METRNL: variants seen among roughly 807,000 people sequenced by gnomAD.
The protein encoded by METRNL is meteorin like, glial cell differentiation regulator, also known as meteorin-like protein.
Under a neutral mutation model 17.4 loss-of-function variants are expected in METRNL, and 9 were observed. The observed-to-expected ratio is 0.52, with a 90% CI of 0.31 to 0.90. The LOEUF (loss-of-function observed/expected upper bound fraction) is 0.90, where lower values mean the gene tolerates loss of function less well. METRNL is among the 40% of genes least tolerant of loss of function. The pLI is 0.05. For synonymous variants in METRNL, 215 were observed against 199.3 expected (o/e 1.08, Z -0.66); for missense variants, 408 against 430.7 (o/e 0.95, Z 0.47).
At chr17:83,090,751 T>C (rs2038123506) in intron 2 of METRNL, among the ~76,000 whole-genome samples, 1 of 151,698 alleles carries the variant, frequency 6.6e-6, no homozygotes, top group African/African-American at 2.4e-5. Context: ...CTGGGACCTC[T>C]GGCCCTGTGG....
chr17:83,089,142 G>A (rs534701353), intron 2 of METRNL, among the ~76,000 whole-genome samples: 39 of 152,228 alleles, frequency 2.6e-4, no homozygotes, highest in Middle Eastern at 3.4e-3. Flanking sequence ...CGGCCGCAGC[G>A]CGACGGTGAT....
At chr17:83,085,444 T>C in intron 2 of METRNL, 121 bp downstream of exon 2, 2 of 1,312,700 alleles carry the variant, frequency 1.5e-6, no homozygotes, top group Non-Finnish European at 2.1e-6. Flanking sequence ...AACCCTTCTG[T>C]GTCTGTGCTT....
intron 1 of METRNL, among the ~76,000 whole-genome samples, chr17:83,081,118 C>T (rs1441329107): frequency 6.6e-6 from 1 of 151,808 alleles, no homozygotes; most frequent in Non-Finnish European, 1.5e-5. Flanking sequence ...GTGGGCGGTG[C>T]CCGGCTGTCC....
intron 2 of METRNL, among the ~76,000 whole-genome samples, chr17:83,087,195 T>C (rs1201256087): frequency 6.6e-6 from 1 of 152,180 alleles, no homozygotes; most frequent in Non-Finnish European, 1.5e-5. Flanking sequence ...AGAACTTTGC[T>C]GTGTCCTGTG....
chr17:83,079,898 C>G lies in METRNL; in HGVS notation c.83C>G (p.Pro28Arg), dbSNP rs771874865. The G allele has an allele frequency of 3.0e-6, 3 of 990,498 alleles. No homozygotes were observed. The highest frequency in any genetic ancestry group is 3.6e-6 in the Non-Finnish European group (3 of 834,408). The allele number at this position is 990,498 out of a possible 1,614,324, so 61.4% of individuals were successfully genotyped here. Reference sequence around the variant, plus strand: ...CCCGCCCCGGGCCCGCCCCCGCCGCCGCTCCCGCTGCTGCTCCTGCTCCTG... The same window carrying G: ...CCCGCCCCGGGCCCGCCCCCGCCGCGGCTCCCGCTGCTGCTCCTGCTCCTG... The part of the protein sequence containing the change: ...RPPAPGPPPP[P>R]LPLLLLLLAG... Residue 28 changes from proline to arginine, a missense_variant, in exon 1 of 4, where the codon CCG becomes CGG. By Grantham distance (103) the Pro-to-Arg change is moderately radical (BLOSUM62 -2). Transcript: ENST00000320095.
At chr17:83,090,711 G>A (rs1350108463) in intron 2 of METRNL, among the ~76,000 whole-genome samples, 1 of 151,480 alleles carries the variant, frequency 6.6e-6, no homozygotes, top group Non-Finnish European at 1.5e-5. Flanking sequence ...CTCAGCCGAG[G>A]CCACCTCCAC....
At chr17:83,089,170 G>A (rs1380340938) in intron 2 of METRNL, among the ~76,000 whole-genome samples, 1 of 152,106 alleles carries the variant, frequency 6.6e-6, no homozygotes, top group African/African-American at 2.4e-5. Context: ...GCCTTGAGGG[G>A]AGCCTTGGGA....
At chr17:83,091,791 C>T (rs1320243619) in intron 2 of METRNL, among the ~76,000 whole-genome samples, 2 of 152,206 alleles carry the variant, frequency 1.3e-5, no homozygotes, top group African/African-American at 4.8e-5. Context: ...ATGGCACCGG[C>T]GAAACCAGTG....
chr17:83,088,305 G>A (rs1385218670), intron 2 of METRNL, among the ~76,000 whole-genome samples: 2 of 152,250 alleles, frequency 1.3e-5, no homozygotes, highest in African/African-American at 4.8e-5. Context: ...ACCTGGCTGA[G>A]GCCGTGTGGG....
chr17:83,090,897 C>G (rs763897265), intron 2 of METRNL, among the ~76,000 whole-genome samples: 1 of 152,218 alleles, frequency 6.6e-6, no homozygotes, highest in Admixed American at 6.5e-5. Context: ...CTGTCCAGCA[C>G]GTGCCTGCAT....
chr17:83,091,714 G>A (rs555645392), intron 2 of METRNL, among the ~76,000 whole-genome samples: 11 of 152,308 alleles, frequency 7.2e-5, no homozygotes, highest in East Asian at 3.9e-4. Flanking sequence ...TTCCAGGGCC[G>A]GCGAACCCCA....
At chr17:83,085,978 G>A (rs1301316903) in intron 2 of METRNL, among the ~76,000 whole-genome samples, 4 of 152,226 alleles carry the variant, frequency 2.6e-5, no homozygotes, top group Non-Finnish European at 5.9e-5. Context: ...ACGATAAACA[G>A]ACAGCTTCCC....
At chr17:83,086,253 C>T (rs138311542) in intron 2 of METRNL, among the ~76,000 whole-genome samples, 255 of 152,356 alleles carry the variant, frequency 1.7e-3, no homozygotes, top group Middle Eastern at 3.4e-3. Flanking sequence ...TTTCATCTCT[C>T]TCTGAAATCT....
intron 2 of METRNL, among the ~76,000 whole-genome samples, chr17:83,087,774 G>A (rs899312838): frequency 1.4e-5 from 2 of 147,840 alleles, no homozygotes; most frequent in African/African-American, 4.9e-5. Flanking sequence ...CGCCAGCCCC[G>A]CCGAGCCTGA....
rs2038187490 is a variant in METRNL, at chr17:83,095,012, G to C, written c.*437G>C. ...TGTTATTCTCATGACGGAAGTTTTG[G>C]AGCCAAATAATACGTTTTTTATTTT... is the stretch of plus-strand genomic sequence containing the variant. On this transcript the variant is annotated 3_prime_UTR_variant, in exon 4 of 4. Transcript: ENST00000320095. 5.7e-6 allele frequency: 1 copy of C among 174,176 alleles called. No homozygotes were observed. The highest frequency in any genetic ancestry group is 6.3e-5 in the Admixed American group (1 of 15,842). The allele number at this position is 174,176 out of a possible 1,614,324, so 10.8% of individuals were successfully genotyped here. A position where few individuals can be genotyped will look rare whatever the true frequency, so the allele number is the denominator to read the frequency against.
chr17:83,086,792 C>T (rs981043912), intron 2 of METRNL, among the ~76,000 whole-genome samples: 1 of 152,220 alleles, frequency 6.6e-6, no homozygotes, highest in Non-Finnish European at 1.5e-5. Context: ...GACGTCCACA[C>T]TGGCACAGGC....
chr17:83,093,633 A>G (rs762190710), intron 3 of METRNL, among the ~76,000 whole-genome samples: 1 of 152,166 alleles, frequency 6.6e-6, no homozygotes, highest in Non-Finnish European at 1.5e-5. Flanking sequence ...ACGCTGTTCC[A>G]GGCCTGAGGC....
At chr17:83,080,438 A>T (rs548532216) in intron 1 of METRNL, among the ~76,000 whole-genome samples, 1 of 149,172 alleles carries the variant, frequency 6.7e-6, no homozygotes, top group African/African-American at 2.5e-5. Context: ...AGCGGGGGCC[A>T]CTTCCGTCTC....
At chr17:83,080,094 G>A (rs2037965038) in intron 1 of METRNL, 109 bp downstream of exon 1, 2 of 529,958 alleles carry the variant, frequency 3.8e-6, no homozygotes, top group Admixed American at 6.3e-5. Flanking sequence ...GCGGGGCAGG[G>A]GCTCCGGGGG....
Sources: allele counts gnomAD v4.1 joint callset (sites outside exome capture counted in the v4.1 genomes callset), GRCh38; gene constraint gnomAD v4.1.1; transcripts MANE v1.5; gene names NCBI Gene and HGNC (gene_info 2026-07-23, HGNC 2026-07-21).